The following PAK6 variants were observed in gnomAD, a reference collection of about 807,000 sequenced individuals.
PAK6 encodes serine/threonine-protein kinase PAK 6.
Under a neutral mutation model 60.8 loss-of-function variants are expected in PAK6, and 33 were observed. That is an observed-to-expected ratio of 0.54 (90% CI 0.41 to 0.73). The LOEUF (loss-of-function observed/expected upper bound fraction) is 0.73. PAK6 is among the 30% of genes least tolerant of loss of function. The pLI, the probability that PAK6 is intolerant of heterozygous loss-of-function variation, is 0.00. For missense variants in PAK6, 845 were observed against 904.1 expected (o/e 0.93, Z 0.84); for synonymous variants, 404 against 378.5 (o/e 1.07, Z -0.78).
chr15:40,267,927 C>T (rs1487385442), intron 5 of PAK6, among the ~76,000 whole-genome samples: 2 of 152,156 alleles, frequency 1.3e-5, no homozygotes, highest in Non-Finnish European at 2.9e-5. Context: ...TGCTGCGAGG[C>T]CTCAGGGATT....
At chr15:40,248,047 C>T (rs189782958) in intron 2 of PAK6, among the ~76,000 whole-genome samples, 79 of 152,288 alleles carry the variant, frequency 5.2e-4, no homozygotes, top group East Asian at 3.5e-3. Context: ...TTCCCCAGGG[C>T]GGGAGGTACT....
At chr15:40,269,539 C>T (rs1400744025) in intron 5 of PAK6, among the ~76,000 whole-genome samples, 1 of 152,218 alleles carries the variant, frequency 6.6e-6, no homozygotes, top group Non-Finnish European at 1.5e-5. Flanking sequence ...TTAATTAATT[C>T]TGTTGTCGTG....
chr15:40,261,692 T>G (rs1270932348), intron 3 of PAK6, among the ~76,000 whole-genome samples: 1 of 152,204 alleles, frequency 6.6e-6, no homozygotes, highest in African/African-American at 2.4e-5. Flanking sequence ...GAGTCCTAGC[T>G]GCCTCCCTTT....
chr15:40,247,400 CT>C, intron 2 of PAK6: 1 of 151,158 alleles, frequency 6.6e-6, no homozygotes, highest in Non-Finnish European at 1.5e-5. Context: ...AGATCTGGCT[CT>C]TGCTGTTCCC....
intron 3 of PAK6, among the ~76,000 whole-genome samples, chr15:40,255,170 A>G (rs1349823087): frequency 1.3e-5 from 2 of 151,998 alleles, no homozygotes; most frequent in Non-Finnish European, 2.9e-5. Flanking sequence ...AAGGACTCAG[A>G]CCTCTGTGTG....
chr15:40,254,730 C>T (rs1211379688), intron 3 of PAK6, among the ~76,000 whole-genome samples: 1 of 152,188 alleles, frequency 6.6e-6, no homozygotes, highest in African/African-American at 2.4e-5. Flanking sequence ...ATCCCAGCTC[C>T]ACACTTACTG....
At chr15:40,247,385 A>G (rs1458556666) in intron 2 of PAK6, 1 of 151,668 alleles carries the variant, frequency 6.6e-6, no homozygotes, top group African/African-American at 2.4e-5. Flanking sequence ...GAGTGTCCTT[A>G]CCACAGATCT....
chr15:40,241,264 C>T (rs951667393), intron 2 of PAK6, among the ~76,000 whole-genome samples: 3 of 152,198 alleles, frequency 2.0e-5, no homozygotes, highest in African/African-American at 7.2e-5. Flanking sequence ...CTGGGCCCCA[C>T]CGGGAAGCAA....
At chr15:40,274,391 T>C (rs1424899222) in intron 10 of PAK6, 115 bp downstream of exon 10, 3 of 1,135,020 alleles carry the variant, frequency 2.6e-6, no homozygotes, top group Non-Finnish European at 3.7e-6. Context: ...TCTGGGCTCC[T>C]GGAAAAGGCT....
chr15:40,276,287 C>A, exon 11 of PAK6: 1 of 584,596 alleles, frequency 1.7e-6, no homozygotes, highest in Non-Finnish European at 3.0e-6. Flanking sequence ...CTCTCCCTCC[C>A]GAGTCCCCAG....
chr15:40,253,618 G>A (rs901785201), intron 3 of PAK6, among the ~76,000 whole-genome samples: 2 of 152,332 alleles, frequency 1.3e-5, no homozygotes, highest in East Asian at 3.9e-4. Context: ...AATTCATGCC[G>A]GGGAAGAGGT....
chr15:40,266,186 C>T (rs139289845), exon 5 of PAK6: 10 of 1,609,352 alleles, frequency 6.2e-6, no homozygotes, highest in Admixed American at 1.7e-5. Context: ...TGGGCCCCGC[C>T]GAGTTTCAGG....
exon 6 of PAK6, chr15:40,272,306 C>T (rs764096964): frequency 3.1e-6 from 5 of 1,613,926 alleles, no homozygotes; most frequent in African/African-American, 2.7e-5. Flanking sequence ...TCGGACCAGC[C>T]GGTGGGGACC....
chr15:40,266,352 G>A (rs776225431), exon 5 of PAK6: 2 of 1,612,708 alleles, frequency 1.2e-6, no homozygotes, highest in South Asian at 2.2e-5. Context: ...CTCAGCCACA[G>A]GCAGGCCAGG....
chr15:40,275,817 G>A (rs1419943006), intron 10 of PAK6, 110 bp from the exon 11 acceptor site: 1 of 1,058,514 alleles, frequency 9.4e-7, no homozygotes, highest in East Asian at 2.4e-5. Flanking sequence ...GGAACAGGAA[G>A]TTAAAAAACC....
chr15:40,242,402 C>T (rs781479201), intron 2 of PAK6, among the ~76,000 whole-genome samples: 1 of 152,214 alleles, frequency 6.6e-6, no homozygotes, highest in Non-Finnish European at 1.5e-5. Flanking sequence ...CCGTAAGATG[C>T]GCTCGTCGCC....
exon 6 of PAK6, chr15:40,272,482 G>A: frequency 6.2e-7 from 1 of 1,613,808 alleles, no homozygotes; most frequent in Non-Finnish European, 8.5e-7. Flanking sequence ...CCCCACGGTT[G>A]CCAAGGGTGC....
At chr15:40,273,199 AC>A in intron 7 of PAK6, 146 bp from the exon 8 acceptor site, 1 of 1,169,286 alleles carries the variant, frequency 8.6e-7, no homozygotes, top group Non-Finnish European at 1.2e-6. Context: ...CCCAGTTTTC[AC>A]CAGGGCTATG....
chr15:40,265,737 T>G, intron 4 of PAK6, 105 bp from the exon 5 acceptor site: 1 of 1,023,466 alleles, frequency 9.8e-7, no homozygotes. Flanking sequence ...CCTTAGGTGG[T>G]CCTCCCCAGG....
Sources: gnomAD v4.1 joint callset for allele counts (sites outside exome capture counted in the v4.1 genomes callset) on GRCh38, gnomAD v4.1.1 for gene constraint, MANE v1.5 for transcripts, NCBI Gene and HGNC (gene_info 2026-07-23, HGNC 2026-07-21) for gene names.